The following ZNF329 variants were observed in gnomAD, a reference collection of about 807,000 sequenced individuals.
ZNF329 encodes the protein zinc finger protein 329.
In ZNF329, 15 loss-of-function variants were observed where a neutral mutation model predicts 26.6. The ratio of observed to expected loss-of-function variants is 0.56; its 90% confidence interval spans 0.38 to 0.87. The LOEUF is 0.87. Among genes scored for constraint, ZNF329 ranks in the 40% least tolerant of loss-of-function variants. The pLI is 0.00. For synonymous variants in ZNF329, 239 were observed against 233.5 expected (o/e 1.02, Z -0.21); for missense variants, 651 against 651.9 (o/e 1.00, Z 0.02).
At chr19:58,150,569 G>A (rs2075428787) in intron 1 of ZNF329, among the ~76,000 whole-genome samples, 183 bp downstream of exon 1, 1 of 152,238 alleles carries the variant, frequency 6.6e-6, no homozygotes, top group Admixed American at 6.5e-5. Flanking sequence ...CACCCACCAG[G>A]AGAACTACGC....
At chr19:58,146,383 A>G (rs2075308970) in intron 1 of ZNF329, among the ~76,000 whole-genome samples, 1 of 152,052 alleles carries the variant, frequency 6.6e-6, no homozygotes, top group Non-Finnish European at 1.5e-5. Context: ...CTGAGGCAGG[A>G]AAACCACTTG....
intron 1 of ZNF329, among the ~76,000 whole-genome samples, chr19:58,147,521 C>T (rs1422293266): frequency 2.7e-5 from 4 of 145,514 alleles, no homozygotes; most frequent in African/African-American, 5.3e-5. Context: ...TCTGCCCGGC[C>T]AGCCGCCCCG....
chr19:58,147,330 A>G (rs1212498688), intron 1 of ZNF329, among the ~76,000 whole-genome samples: 4 of 132,436 alleles, frequency 3.0e-5, no homozygotes, highest in Admixed American at 2.2e-4. Context: ...GCCCCGTCTG[A>G]GAAGTGAGGA....
intron 3 of ZNF329, among the ~76,000 whole-genome samples, chr19:58,138,691 C>A (rs157360): frequency 6.6e-6 from 1 of 152,046 alleles, no homozygotes; most frequent in African/African-American, 2.4e-5. Context: ...AAGATGCACA[C>A]GTACAGTTAA....
At chr19:58,146,662 C>T (rs190729) in intron 1 of ZNF329, among the ~76,000 whole-genome samples, 54,255 of 148,702 alleles carry the variant, frequency 0.36, 10,762 homozygotes, top group South Asian at 0.49. Context: ...CTGATTCTCC[C>T]GCCTCAGCCT....
In ZNF329 at chr19:58,127,143, A is replaced by G. The variant is rs778521756; in HGVS notation, c.*735T>C. The G allele has an allele frequency of 6.6e-6, 1 of 152,132 alleles. No homozygotes were observed. The highest frequency in any genetic ancestry group is 1.5e-5 in the Non-Finnish European group (1 of 68,040). The allele number at this position is 152,132 out of a possible 1,614,324, so 9.4% of individuals were successfully genotyped here. On this transcript the variant is annotated 3_prime_UTR_variant, in exon 4 of 4. Coordinates refer to ENST00000598312, the MANE Select transcript of ZNF329 (RefSeq NM_024620.4). The stretch of plus-strand genomic sequence containing the variant: ...CACTGTGTGGACTCTCTCATTGTAC[A>G]CCTTTGTTGTTACAGAAAACACAGT...
chr19:58,145,668 T>G (rs1386501607), intron 1 of ZNF329, among the ~76,000 whole-genome samples: 1 of 152,034 alleles, frequency 6.6e-6, no homozygotes, highest in Non-Finnish European at 1.5e-5. Context: ...AAGAAAAAGA[T>G]TTGAAACATC....
upstream of ZNF329, among the ~76,000 whole-genome samples, chr19:58,153,367 C>A (rs1018773687): frequency 6.6e-6 from 1 of 152,204 alleles, no homozygotes; most frequent in African/African-American, 2.4e-5. Flanking sequence ...ACCTCAGCCT[C>A]CCAAAGTGCT....
intron 1 of ZNF329, among the ~76,000 whole-genome samples, chr19:58,143,766 A>C (rs1341301807): frequency 6.6e-6 from 1 of 152,066 alleles, no homozygotes; most frequent in African/African-American, 2.4e-5. Flanking sequence ...TGTGAGAAAA[A>C]ATTTTTTTGA....
chr19:58,149,421 C>A (rs544308869), intron 1 of ZNF329, among the ~76,000 whole-genome samples: 1 of 152,224 alleles, frequency 6.6e-6, no homozygotes, highest in East Asian at 1.9e-4. Context: ...TAGCTCGGGA[C>A]CCCCTTTCTG....
At chr19:58,141,633 T>C (rs1447754492) in intron 3 of ZNF329, among the ~76,000 whole-genome samples, 1 of 152,062 alleles carries the variant, frequency 6.6e-6, no homozygotes, top group Non-Finnish European at 1.5e-5. Context: ...GGTTCATGCC[T>C]GTAATCCCAG....
rs1016287933 is a variant in ZNF329, at chr19:58,127,061, T to C, written c.*817A>G. 2 of 152,224 alleles carry C rather than the reference T, an allele frequency of 1.3e-5. No homozygotes were observed. Among genetic ancestry groups the C allele is most frequent in the Admixed American group, 6.5e-5 (1 of 15,274 alleles). 9.4% of individuals were successfully genotyped at this position (152,224 alleles called of 1,614,324 possible). On this transcript the variant is annotated 3_prime_UTR_variant, in exon 4 of 4. Coordinates refer to ENST00000598312, the MANE Select transcript of ZNF329 (RefSeq NM_024620.4). ...CCTCAGCATTATTGCAGGAGTATAA[T>C]GCAGACATACATTCAAACAGGAAAA...
upstream of ZNF329, among the ~76,000 whole-genome samples, chr19:58,151,130 C>T (rs1320729784): frequency 6.6e-6 from 1 of 152,224 alleles, no homozygotes; most frequent in Non-Finnish European, 1.5e-5. Flanking sequence ...GTGGCTCACG[C>T]CTGTAATCCC....
rs376128273 is a variant in ZNF329 at position 58,128,971 on chromosome 19, T to C, written c.533A>G (p.Lys178Arg). ...CAGAGTAAAGATGTTCTCAAAATTC[T>C]TACCTTCATACGATTTCTTGCCTCT... ...MKRGKKSYEG[K>R]NFENIFTLSS... The change falls in exon 4 of 4, where the codon AAG becomes AGG. Residue 178 changes from lysine (K) to arginine (R), a missense_variant. By Grantham distance (26) the Lys-to-Arg change is conservative (BLOSUM62 2). Coordinates refer to ENST00000598312, the MANE Select transcript of ZNF329 (RefSeq NM_024620.4). 2.5e-6 allele frequency: 4 copies of C among 1,613,220 alleles called. No homozygotes were observed. In the African/African-American group the frequency reaches 5.3e-5, roughly 22 times the overall value.
intron 3 of ZNF329, among the ~76,000 whole-genome samples, chr19:58,131,111 A>ATATGTGTGTGTGTG (rs1480205883): frequency 5.4e-5 from 8 of 147,628 alleles, no homozygotes; most frequent in African/African-American, 2.0e-4. Context: ...ATACATGTAT[A>ATATGTGTGTGTGTG]TGTGTATATG....
rs754175822 is a variant in ZNF329, at chr19:58,128,854, G to T, written c.650C>A (p.Ser217Tyr). The T allele has an allele frequency of 3.1e-6, 5 of 1,612,338 alleles. No individual in the cohort carries two copies. The East Asian group carries it at 1.1e-4, about 36-fold the overall frequency. ...ECGKCFKRNSSLVLHHRTHTG... is the reference protein window; with the variant it reads ...ECGKCFKRNSYLVLHHRTHTG... ...GTGAGTTCGGTGATGCAAAACAAGA[G>T]AAGAGTTCCGTTTGAAGCATTTGCC... The change falls in exon 4 of 4, where the codon TCT becomes TAT. Residue 217 changes from serine to tyrosine, a missense_variant. Transcript: ENST00000598312.
intron 3 of ZNF329, 141 bp from the exon 4 acceptor site, chr19:58,129,652 G>A (rs2074893662): frequency 2.6e-6 from 2 of 777,310 alleles, no homozygotes; most frequent in African/African-American, 1.7e-5. Flanking sequence ...ACAAGGAAGA[G>A]GTAAAATCGT....
At chr19:58,131,154 C>G (rs7256344) in intron 3 of ZNF329, among the ~76,000 whole-genome samples, 1 of 151,258 alleles carries the variant, frequency 6.6e-6, no homozygotes, top group Non-Finnish European at 1.5e-5. Flanking sequence ...CGTGTATTTA[C>G]ATTTCAGAAG....
chr19:58,127,877 A>T lies in ZNF329; in HGVS notation c.*1T>A. On this transcript the variant is annotated 3_prime_UTR_variant, in exon 4 of 4. Coordinates refer to ENST00000598312, the MANE Select transcript of ZNF329 (RefSeq NM_024620.4). ...TGGAAGACTCATGTGGCCCCCAACCATTATGTTTCCATGGGTTGCTCTCCC... is the reference window on the plus strand; with the variant it reads ...TGGAAGACTCATGTGGCCCCCAACCTTTATGTTTCCATGGGTTGCTCTCCC... The T allele has an allele frequency of 6.3e-7, 1 of 1,576,456 alleles. No individual in the cohort carries two copies. The highest frequency in any genetic ancestry group is 8.6e-7 in the Non-Finnish European group (1 of 1,160,396).
Sources: gnomAD v4.1 joint callset for allele counts (sites outside exome capture counted in the v4.1 genomes callset) on GRCh38, gnomAD v4.1.1 for gene constraint, MANE v1.5 for transcripts, NCBI Gene and HGNC (gene_info 2026-07-23, HGNC 2026-07-21) for gene names.